Variants in NIN observed in about 807,000 individuals in gnomAD.
NIN encodes the protein glycogen synthase kinase 3 beta-interacting protein.
A neutral mutation model predicts 257.6 loss-of-function variants in NIN; 137 were observed. The ratio of observed to expected loss-of-function variants is 0.53; its 90% CI spans 0.46 to 0.61. NIN has a LOEUF of 0.61. Among genes scored for constraint, NIN ranks in the 20% least tolerant of loss-of-function variants. The pLI, the probability that NIN is intolerant of heterozygous loss-of-function variation, is 0.00. For missense variants in NIN, 2,439 were observed against 2,501.2 expected (o/e 0.98, Z 0.53); for synonymous variants, 918 against 919.8 (o/e 1.00, Z 0.04).
Position 50,754,763 on chromosome 14 carries a change from T to C in NIN, c.4643A>G (p.Asn1548Ser), listed in dbSNP as rs1566807441. 1 of 1,585,482 alleles carries C rather than the reference T, an allele frequency of 6.3e-7. No homozygotes were observed. Among genetic ancestry groups the C allele is most frequent in the Admixed American group, 1.8e-5 (1 of 56,464 alleles). ...SISNLKLGTL[N>S]GSQEEMWQKT... ...TTACCACATTTCTTCCTGAGATCCA[T>C]TTAATGTCCCTAATTTCAGGTTAGA... Residue 1548 changes from asparagine (N) to serine (S), a missense_variant, in exon 19 of 31, where the codon AAT (asparagine) becomes AGT (serine). Coordinates refer to ENST00000530997, the MANE Select transcript of NIN (RefSeq NM_020921.4).
intron 18 of NIN, 37 bp downstream of exon 18, chr14:50,756,455 T>C (rs2042030947): frequency 1.9e-6 from 3 of 1,544,972 alleles, no homozygotes; most frequent in Admixed American, 2.0e-5. Context: ...TGAGGTGCTC[T>C]GTGGGATTCG....
At chr14:50,759,834 T>C in intron 17 of NIN, 23 bp downstream of exon 17, 1 of 1,583,184 alleles carries the variant, frequency 6.3e-7, no homozygotes, top group Non-Finnish European at 8.6e-7. Context: ...CCCAGGTAGC[T>C]TCATTTCCCT....
At chr14:50,810,363 CA>C (rs1457898906) in intron 3 of NIN, among the ~76,000 whole-genome samples, 1 of 151,566 alleles carries the variant, frequency 6.6e-6, no homozygotes, top group African/African-American at 2.4e-5. Flanking sequence ...AAATAAAAGA[CA>C]GGGGCACTCC....
At chr14:50,727,099 A>T in intron 29 of NIN, 1 of 315,614 alleles carries the variant, frequency 3.2e-6, no homozygotes, top group Non-Finnish European at 4.6e-6. Flanking sequence ...AAAAAAAAAT[A>T]ATAGCTTTTT....
chr14:50,822,911 C>T (rs2045292447), intron 2 of NIN, among the ~76,000 whole-genome samples: 1 of 152,172 alleles, frequency 6.6e-6, no homozygotes, highest in East Asian at 1.9e-4. Flanking sequence ...TTTAAAGGAG[C>T]CACTGACTGG....
At position 50,760,352 on chromosome 14, in the gene NIN, T is replaced by C. The variant is rs747518395; in HGVS notation, c.1904A>G (p.His635Arg). 4.4e-6 allele frequency: 7 copies of C among 1,602,164 alleles called. No individual in the cohort carries two copies. The highest frequency in any genetic ancestry group is 5.9e-6 in the Non-Finnish European group (7 of 1,178,658). Residue 635 changes from histidine to arginine, a missense_variant, in exon 17 of 31, where the codon CAT (histidine) becomes CGT (arginine). Physicochemically the swap from His to Arg is conservative, Grantham distance 29. Around this residue, in one of 3 missense-constraint regions of NIN, gnomAD observed 2,043 missense variants for 2,050.2 expected, o/e 1.00. Coordinates refer to ENST00000530997, the MANE Select transcript of NIN (RefSeq NM_020921.4). ...GGTTTCGTCCAGCTGCTTTTCATAATGGCGCACCTGAAGGCACAGAGTGAC... is the reference window on the plus strand; with the variant it reads ...GGTTTCGTCCAGCTGCTTTTCATAACGGCGCACCTGAAGGCACAGAGTGAC... ...LRLELEDKVR[H>R]YEKQLDETVV...
intron 4 of NIN, among the ~76,000 whole-genome samples, chr14:50,804,766 G>A (rs955725012): frequency 2.0e-5 from 3 of 151,388 alleles, no homozygotes; most frequent in Non-Finnish European, 2.9e-5. Flanking sequence ...CATAAAATAC[G>A]CTAACACTAA....
chr14:50,770,453 G>C lies in NIN; in HGVS notation c.1369C>G (p.Gln457Glu). 1 of 1,614,172 alleles carries C rather than the reference G, an allele frequency of 6.2e-7. No individual in the cohort carries two copies. Among genetic ancestry groups the C allele is most frequent in the Non-Finnish European group, 8.5e-7 (1 of 1,180,020 alleles). Residue 457 changes from glutamine to glutamate, a missense_variant, in exon 12 of 31, where the codon CAG becomes GAG. Around this residue, in one of 3 missense-constraint regions of NIN, gnomAD observed 2,043 missense variants for 2,050.2 expected, o/e 1.00. Coordinates refer to ENST00000530997, the MANE Select transcript of NIN (RefSeq NM_020921.4). ...QAGKQRLELE[Q>E]EIEKAKTEEN... ...TCTGTTTTTGCCTTTTCAATTTCCT[G>C]TTCAAGTTCTAAACGCTGCTTGCCT...
intron 23 of NIN, among the ~76,000 whole-genome samples, chr14:50,743,996 A>T (rs773669785): frequency 1.3e-5 from 2 of 152,256 alleles, no homozygotes; most frequent in African/African-American, 2.4e-5. Flanking sequence ...ATAAAGTAGC[A>T]CTGTGATGTG....
intron 3 of NIN, among the ~76,000 whole-genome samples, chr14:50,809,315 G>A (rs1243066220): frequency 2.6e-5 from 4 of 152,144 alleles, no homozygotes; most frequent in Admixed American, 6.5e-5. Context: ...TGGTGGGGGC[G>A]GCGGCAGGGA....
intron 5 of NIN, chr14:50,792,484 G>A (rs755526982): frequency 3.7e-5 from 20 of 547,656 alleles, no homozygotes; most frequent in Middle Eastern, 4.8e-4. Context: ...TGTACATGAC[G>A]CATGCACAGA....
At chr14:50,783,049 G>C (rs1355312871) in intron 5 of NIN, among the ~76,000 whole-genome samples, 1 of 152,132 alleles carries the variant, frequency 6.6e-6, no homozygotes, top group Non-Finnish European at 1.5e-5. Flanking sequence ...TAAGGCAAGT[G>C]GGGGTGGGGG....
At chr14:50,726,167 GC>G in intron 29 of NIN, 101 bp from the exon 30 acceptor site, 1 of 906,236 alleles carries the variant, frequency 1.1e-6, no homozygotes, top group Non-Finnish European at 1.7e-6. Flanking sequence ...CAAATGTTTT[GC>G]CTTTGTAACA....
chr14:50,733,231 T>A (rs1255553923), intron 28 of NIN, among the ~76,000 whole-genome samples: 2 of 152,250 alleles, frequency 1.3e-5, no homozygotes, highest in Admixed American at 1.3e-4. Context: ...TAGCTGGGAT[T>A]ACAGGCGCAC....
At chr14:50,779,626 C>T (rs1023637233) in intron 5 of NIN, among the ~76,000 whole-genome samples, 11 of 152,050 alleles carry the variant, frequency 7.2e-5, no homozygotes, top group Non-Finnish European at 1.6e-4. Context: ...GGCGAGGTGG[C>T]GGGTGCCTGT....
At chr14:50,829,797 CTCTTT>C (rs1280105250) in intron 2 of NIN, among the ~76,000 whole-genome samples, 1 of 152,180 alleles carries the variant, frequency 6.6e-6, no homozygotes, top group African/African-American at 2.4e-5. Flanking sequence ...CCGTCTCTAT[CTCTTT>C]TAACTTCGCA....
intron 9 of NIN, among the ~76,000 whole-genome samples, chr14:50,771,785 A>C (rs1049758656): frequency 6.6e-6 from 1 of 152,196 alleles, no homozygotes; most frequent in Non-Finnish European, 1.5e-5. Context: ...CAGGAGCTCA[A>C]GACCATCCTG....
intron 4 of NIN, 118 bp downstream of exon 4, chr14:50,806,619 G>C (rs893432125): frequency 1.1e-5 from 6 of 558,896 alleles, no homozygotes; most frequent in Admixed American, 7.2e-5. Context: ...GAAAATAACT[G>C]CTCAATCTGT....
At chr14:50,789,341 G>A (rs906974371) in intron 5 of NIN, among the ~76,000 whole-genome samples, 7 of 146,740 alleles carry the variant, frequency 4.8e-5, no homozygotes, top group East Asian at 2.0e-4. Flanking sequence ...TTGGGAGGCC[G>A]AGGCAGGTGG....
Sources: allele counts gnomAD v4.1 joint callset (sites outside exome capture counted in the v4.1 genomes callset), GRCh38; gene constraint gnomAD v4.1.1; regional missense constraint gnomAD v4.1.1; transcripts MANE v1.5; gene names NCBI Gene and HGNC (gene_info 2026-07-23, HGNC 2026-07-21).